The following RAVER2 variants were observed in gnomAD, a reference collection of about 807,000 sequenced individuals.
RAVER2 encodes ribonucleoprotein PTB-binding 2.
RAVER2 carries 46 observed loss-of-function variants against 78.1 expected under a neutral mutation model. The ratio of observed to expected loss-of-function variants is 0.59; its 90% CI spans 0.46 to 0.75. The LOEUF is 0.75. RAVER2 is among the 30% of genes least tolerant of loss of function. RAVER2 has a pLI of 0.00. For missense variants in RAVER2, 793 were observed against 837.5 expected (o/e 0.95, Z 0.66); for synonymous variants, 311 against 313.3 (o/e 0.99, Z 0.08).
chr1:64,769,995 G>A (rs1003545300), intron 2 of RAVER2, among the ~76,000 whole-genome samples: 1 of 151,836 alleles, frequency 6.6e-6, no homozygotes, highest in Non-Finnish European at 1.5e-5. Context: ...TTTCCACATT[G>A]ATATATATAA....
At chr1:64,831,122 C>A in exon 12 of RAVER2, 2 of 901,294 alleles carry the variant, frequency 2.2e-6, no homozygotes, top group Non-Finnish European at 3.2e-6. Flanking sequence ...TGTTGTGCAG[C>A]AGGCAGAAAT....
chr1:64,801,799 C>T (rs1029387999), intron 5 of RAVER2, among the ~76,000 whole-genome samples: 2 of 151,982 alleles, frequency 1.3e-5, no homozygotes, highest in Admixed American at 6.6e-5. Context: ...CCCAGGAGGC[C>T]GGAGGTTGCA....
chr1:64,809,964 G>A (rs760599594), intron 9 of RAVER2, among the ~76,000 whole-genome samples: 13 of 152,030 alleles, frequency 8.6e-5, no homozygotes, highest in Admixed American at 3.9e-4. Context: ...TCCATTGTAC[G>A]TATATACCAT....
At chr1:64,777,793 C>T (rs542384416) in exon 3 of RAVER2, 23 of 1,613,966 alleles carry the variant, frequency 1.4e-5, no homozygotes, top group Admixed American at 8.3e-5. Flanking sequence ...AGAACTTGTT[C>T]GTGCTTATGG....
Position 64,745,480 on chromosome 1 carries a change from T to A in RAVER2, c.249+59T>A. 2 of 1,462,928 alleles carry A rather than the reference T, an allele frequency of 1.4e-6. No homozygotes were observed. The highest frequency in any genetic ancestry group is 1.8e-6 in the Non-Finnish European group (2 of 1,094,774). The allele number at this position is 1,462,928 out of a possible 1,614,324, so 90.6% of individuals were successfully genotyped here. A position where few individuals can be genotyped will look rare whatever the true frequency, so the allele number is the denominator to read the frequency against. On this transcript the variant is annotated intron_variant, in intron 1 of 11. Coordinates refer to ENST00000294428, the Ensembl canonical transcript of RAVER2. This position sits in a 1 kb window ranked among gnomAD's most constrained non-coding sequence, Gnocchi z 4.3. ...AGGGGCGGCGGGGCGGCGCTCCGTG[T>A]CCAGGCTGGGATCGGGGGCGCCTCA...
intron 1 of RAVER2, among the ~76,000 whole-genome samples, chr1:64,757,580 C>T: frequency 6.6e-6 from 1 of 152,156 alleles, no homozygotes; most frequent in East Asian, 1.9e-4. Context: ...AAATAAATTT[C>T]TGTTGTTTAA....
intron 1 of RAVER2, among the ~76,000 whole-genome samples, chr1:64,766,020 T>C (rs1056733931): frequency 2.0e-5 from 3 of 152,120 alleles, no homozygotes; most frequent in Non-Finnish European, 2.9e-5. Context: ...GAGGGTGGGG[T>C]GATGACGTCA....
At chr1:64,790,234 A>C (rs371183333) in intron 5 of RAVER2, among the ~76,000 whole-genome samples, 4 of 151,568 alleles carry the variant, frequency 2.6e-5, no homozygotes, top group African/African-American at 9.6e-5. Flanking sequence ...TTCCAAAAAT[A>C]AACTACTTAT....
At chr1:64,758,959 G>A (rs1022351409) in intron 1 of RAVER2, among the ~76,000 whole-genome samples, 1 of 149,980 alleles carries the variant, frequency 6.7e-6, no homozygotes, top group African/African-American at 2.5e-5. Context: ...TGTGATTTAT[G>A]TATGGTTATT....
chr1:64,802,665 G>A (rs1273502024), intron 5 of RAVER2, among the ~76,000 whole-genome samples: 2 of 152,092 alleles, frequency 1.3e-5, no homozygotes, highest in South Asian at 2.1e-4. Flanking sequence ...AAATAACATG[G>A]GTTCAATGAG....
In RAVER2 at chr1:64,745,547, G is replaced by A; in HGVS notation, c.249+126G>A. Reference sequence around the variant, plus strand: ...TGGGTCGGCGCCGAGTGGTGAGAGCGGCCCCTCGGTTTGACTGAGTTCTTG... The same window carrying A: ...TGGGTCGGCGCCGAGTGGTGAGAGCAGCCCCTCGGTTTGACTGAGTTCTTG... On this transcript the variant is annotated intron_variant, in intron 1 of 11. Coordinates refer to ENST00000294428, the Ensembl canonical transcript of RAVER2. The surrounding 1 kb of genome is among the most constrained non-coding windows in gnomAD (Gnocchi z 4.3). The A allele has an allele frequency of 8.2e-7, 1 of 1,223,722 alleles. No homozygotes were observed. Among genetic ancestry groups the A allele is most frequent in the South Asian group, 1.8e-5 (1 of 55,452 alleles). 75.8% of individuals were successfully genotyped at this position (1,223,722 alleles called of 1,614,324 possible). A position where few individuals can be genotyped will look rare whatever the true frequency, so the allele number is the denominator to read the frequency against.
At chr1:64,820,382 A>G (rs1196797018) in intron 11 of RAVER2, among the ~76,000 whole-genome samples, 2 of 152,174 alleles carry the variant, frequency 1.3e-5, no homozygotes, top group East Asian at 3.8e-4. Flanking sequence ...TGCATGCTCC[A>G]TTTATAACAT....
chr1:64,756,688 A>G (rs376799490), intron 1 of RAVER2, among the ~76,000 whole-genome samples: 4 of 152,218 alleles, frequency 2.6e-5, no homozygotes, highest in Admixed American at 6.5e-5. Flanking sequence ...TAACTAAATT[A>G]CAGACTCTAT....
intron 1 of RAVER2, among the ~76,000 whole-genome samples, chr1:64,768,209 G>A (rs1191977705): frequency 1.3e-5 from 2 of 151,900 alleles, no homozygotes; most frequent in South Asian, 2.1e-4. Context: ...CACAAGAGAG[G>A]CATAAATAAA....
At chr1:64,813,790 GGTTA>G (rs763083825) in intron 10 of RAVER2, among the ~76,000 whole-genome samples, 18 of 147,090 alleles carry the variant, frequency 1.2e-4, no homozygotes, top group East Asian at 1.0e-3. Context: ...TTATAAGAAT[GGTTA>G]GTTTACATTT....
intron 2 of RAVER2, among the ~76,000 whole-genome samples, chr1:64,772,984 A>G (rs1408403023): frequency 2.6e-5 from 4 of 152,102 alleles, no homozygotes; most frequent in Non-Finnish European, 5.9e-5. Flanking sequence ...CTTTATTGTC[A>G]CTGTGGAGAA....
chr1:64,789,617 A>G (rs1010778352), intron 5 of RAVER2, 103 bp downstream of exon 5: 2 of 947,716 alleles, frequency 2.1e-6, no homozygotes, highest in African/African-American at 3.5e-5. Flanking sequence ...TGAAAAATAT[A>G]TTTAAATTAG....
intron 1 of RAVER2, among the ~76,000 whole-genome samples, chr1:64,764,874 A>G (rs1652132445): frequency 6.6e-6 from 1 of 152,218 alleles, no homozygotes; most frequent in South Asian, 2.1e-4. Context: ...ATTATATAAG[A>G]TAATCTCCAT....
At chr1:64,775,805 G>A (rs1004981440) in intron 2 of RAVER2, among the ~76,000 whole-genome samples, 1 of 152,074 alleles carries the variant, frequency 6.6e-6, no homozygotes, top group Non-Finnish European at 1.5e-5. Flanking sequence ...GATCACTTGA[G>A]GTCAGGAGTT....
Sources: gnomAD v4.1 joint callset for allele counts (sites outside exome capture counted in the v4.1 genomes callset) on GRCh38, gnomAD v4.1.1 for gene constraint, Gnocchi (gnomAD v3.1) non-coding constraint, MANE v1.5 for transcripts, NCBI Gene and HGNC (gene_info 2026-07-23, HGNC 2026-07-21) for gene names.